FRMD3: variants seen among roughly 807,000 people sequenced by gnomAD.
The protein encoded by FRMD3 is FERM domain-containing protein 3.
In FRMD3, 33 loss-of-function variants were observed where a neutral mutation model predicts 70.2. That is an observed-to-expected ratio of 0.47 (90% confidence interval 0.36 to 0.63). The LOEUF (loss-of-function observed/expected upper bound fraction) is 0.63, where lower values mean the gene tolerates loss of function less well. FRMD3 is among the 20% of genes least tolerant of loss of function. FRMD3 has a pLI of 0.00. For synonymous variants in FRMD3, 279 were observed against 255.9 expected, an observed-to-expected ratio of 1.09 and a Z score of -0.86; for missense variants, 632 against 711.4, an observed-to-expected ratio of 0.89 and a Z score of 1.27.
intron 1 of FRMD3, among the ~76,000 whole-genome samples, chr9:83,445,100 G>C (rs1440787226): frequency 6.6e-6 from 1 of 152,184 alleles, no homozygotes; most frequent in Non-Finnish European, 1.5e-5. Context: ...ATAAGGCTGA[G>C]CACAGTGGCT....
chr9:83,570,641 A>G, the FRMD3 span, among the ~76,000 whole-genome samples: 1 of 152,182 alleles, frequency 6.6e-6, no homozygotes, highest in African/African-American at 2.4e-5. Flanking sequence ...TCACACAGGG[A>G]CCAGTTAGCA....
intron 3 of FRMD3, among the ~76,000 whole-genome samples, chr9:83,352,052 T>C (rs1824180507): frequency 6.6e-6 from 1 of 152,216 alleles, no homozygotes; most frequent in Non-Finnish European, 1.5e-5. Context: ...CTATAGTAAC[T>C]ACAGAATAGT....
chr9:83,577,363 G>A, the FRMD3 span, among the ~76,000 whole-genome samples: 1 of 152,042 alleles, frequency 6.6e-6, no homozygotes, highest in African/African-American at 2.4e-5. Flanking sequence ...GAATAGACAT[G>A]TAGATCCATA....
intron 4 of FRMD3, among the ~76,000 whole-genome samples, chr9:83,345,074 T>G (rs1412821856): frequency 6.6e-6 from 1 of 152,178 alleles, no homozygotes; most frequent in Non-Finnish European, 1.5e-5. Flanking sequence ...GAGCCATTGG[T>G]TCACTGAAAG....
intron 1 of FRMD3, among the ~76,000 whole-genome samples, chr9:83,463,420 C>A (rs1828031534): frequency 6.6e-6 from 1 of 152,164 alleles, no homozygotes; most frequent in African/African-American, 2.4e-5. Flanking sequence ...GAAGGGGAAG[C>A]AAACACATCC....
chr9:83,454,411 G>A (rs903218889), intron 1 of FRMD3, among the ~76,000 whole-genome samples: 2 of 152,116 alleles, frequency 1.3e-5, no homozygotes, highest in East Asian at 3.9e-4. Context: ...CAATGCTAAG[G>A]GGAATCAAGA....
At chr9:83,302,248 A>C (rs1266924258) in intron 10 of FRMD3, among the ~76,000 whole-genome samples, 2 of 152,134 alleles carry the variant, frequency 1.3e-5, no homozygotes, top group African/African-American at 2.4e-5. Flanking sequence ...TGATCATGAG[A>C]GATTCTGATT....
chr9:83,300,635 A>G (rs1373169943), intron 10 of FRMD3, among the ~76,000 whole-genome samples: 4 of 152,248 alleles, frequency 2.6e-5, no homozygotes, highest in Non-Finnish European at 5.9e-5. Context: ...AGAATTTACC[A>G]CAATATAATT....
At chr9:83,547,809 A>C in the FRMD3 span, among the ~76,000 whole-genome samples, 79 of 152,324 alleles carry the variant, frequency 5.2e-4, no homozygotes, top group African/African-American at 1.8e-3. Flanking sequence ...AGTCACAATA[A>C]ATTTTTAAAA....
In FRMD3 at chr9:83,328,976, A is replaced by G. The variant is rs561021248; in HGVS notation, c.596+6540T>C. On this transcript the variant is annotated intron_variant, in intron 6 of 13. Transcript: ENST00000304195. ...AAGTAATGGCTGACTCCTACTTTCA[A>G]TAATATAACCCTCTCTCCTTCTTCA... Among the ~76,000 whole-genome samples the G allele has an allele frequency of 3.9e-5, 6 of 152,320 alleles. No homozygotes were observed. In the South Asian group the frequency reaches 1.2e-3, roughly 32 times the overall value.
intron 13 of FRMD3, among the ~76,000 whole-genome samples, chr9:83,257,092 T>C (rs1327000528): frequency 6.6e-6 from 1 of 152,124 alleles, no homozygotes; most frequent in African/African-American, 2.4e-5. Flanking sequence ...TGCAGCACCA[T>C]TCATAATAGC....
intron 10 of FRMD3, among the ~76,000 whole-genome samples, chr9:83,302,900 G>A (rs1188036234): frequency 2.0e-5 from 3 of 152,024 alleles, no homozygotes; most frequent in African/African-American, 2.4e-5. Flanking sequence ...TCCACCCGCC[G>A]TCTCCCACTT....
At position 83,248,103 on chromosome 9, in the gene FRMD3, C is replaced by T; in HGVS notation, c.1609G>A (p.Gly537Arg). The change falls in exon 14 of 14, where the codon GGA (glycine) becomes AGA (arginine). Residue 537 changes from glycine to arginine, a missense_variant. Coordinates refer to ENST00000304195, the MANE Select transcript of FRMD3 (RefSeq NM_174938.6). ...AGGGGAAATACAAAGAGCAGCAGTC[C>T]CAGGCCCACCACAAGGAGCCTGGAA... ...SFSRLLVVGL[G>R]LLLFVFPLLL... The T allele has an allele frequency of 6.2e-7, 1 of 1,614,122 alleles. No individual in the cohort carries two copies. The highest frequency in any genetic ancestry group is 8.5e-7 in the Non-Finnish European group (1 of 1,180,026).
intron 1 of FRMD3, among the ~76,000 whole-genome samples, chr9:83,450,943 C>G (rs527355337): frequency 6.6e-6 from 1 of 152,088 alleles, no homozygotes; most frequent in Non-Finnish European, 1.5e-5. Flanking sequence ...AATGAATGTC[C>G]GTTTAATAAG....
chr9:83,582,597 T>A, the FRMD3 span, among the ~76,000 whole-genome samples: 6 of 152,200 alleles, frequency 3.9e-5, no homozygotes. Context: ...TTGGATGAGG[T>A]ATAAAACTCT....
chr9:83,368,135 T>C (rs1824848850), intron 3 of FRMD3, among the ~76,000 whole-genome samples: 2 of 152,086 alleles, frequency 1.3e-5, no homozygotes, highest in South Asian at 4.1e-4. Flanking sequence ...AGACCAGTGG[T>C]TGCGAGTTGT....
intron 1 of FRMD3, among the ~76,000 whole-genome samples, chr9:83,465,796 T>C (rs1292263918): frequency 2.0e-5 from 3 of 152,228 alleles, no homozygotes; most frequent in Non-Finnish European, 4.4e-5. Context: ...CTAGAAACTA[T>C]TGTTTATTTT....
chr9:83,251,454 T>G (rs1832424602), intron 13 of FRMD3, among the ~76,000 whole-genome samples: 1 of 152,150 alleles, frequency 6.6e-6, no homozygotes, highest in Non-Finnish European at 1.5e-5. Flanking sequence ...CCATAATGCC[T>G]CTTCTCATCC....
intron 1 of FRMD3, chr9:83,467,622 G>T: frequency 6.5e-7 from 1 of 1,529,912 alleles, no homozygotes; most frequent in Non-Finnish European, 8.8e-7. Flanking sequence ...ACATACCTTT[G>T]AAAGCTGCAT....
Sources: gnomAD v4.1 joint callset for allele counts (sites outside exome capture counted in the v4.1 genomes callset) on GRCh38, gnomAD v4.1.1 for gene constraint, MANE v1.5 for transcripts, NCBI Gene and HGNC (gene_info 2026-07-23, HGNC 2026-07-21) for gene names.